Variants in EXD3 observed in about 807,000 individuals in gnomAD.
EXD3 encodes exonuclease mut-7 homolog.
EXD3 carries 92 observed loss-of-function variants against 98.0 expected under a neutral mutation model. The ratio of observed to expected loss-of-function variants is 0.94; its 90% CI spans 0.79 to 1.12. The LOEUF is 1.12. Among genes scored for constraint, EXD3 ranks in the 50% most tolerant of loss-of-function variants. The pLI, the probability that EXD3 is intolerant of heterozygous loss-of-function variation, is 0.00. For missense variants in EXD3, 1,222 were observed against 1,191.6 expected, an observed-to-expected ratio of 1.03 and a Z score of -0.38; for synonymous variants, 569 against 526.0, an observed-to-expected ratio of 1.08 and a Z score of -1.12.
rs1256588835 is a variant in EXD3, at chr9:137,414,808, G to C, written c.-48+8306C>G. Among the ~76,000 whole-genome samples, 5 of 152,194 alleles carry C rather than the reference G, an allele frequency of 3.3e-5. No individual in the cohort carries two copies. In the East Asian group the frequency reaches 9.6e-4, roughly 29 times the overall value. On this transcript the variant is annotated intron_variant, in intron 1 of 21. Coordinates refer to ENST00000340951, the MANE Select transcript of EXD3 (RefSeq NM_017820.5). ...ACACCGCCACTCCAGGGGGGTGCTGGCATGTTTGGCCCCCGTGGGCTCCAC... is the reference window on the plus strand; with the variant it reads ...ACACCGCCACTCCAGGGGGGTGCTGCCATGTTTGGCCCCCGTGGGCTCCAC...
chr9:137,411,344 C>T (rs1187233613), intron 1 of EXD3, among the ~76,000 whole-genome samples: 1 of 152,110 alleles, frequency 6.6e-6, no homozygotes, highest in Non-Finnish European at 1.5e-5. Context: ...GGGCTTGCTC[C>T]GGAGATGGGC....
chr9:137,411,852 C>G (rs1191121104), intron 1 of EXD3, among the ~76,000 whole-genome samples: 1 of 152,190 alleles, frequency 6.6e-6, no homozygotes, highest in Non-Finnish European at 1.5e-5. Flanking sequence ...GAAGCCGGGC[C>G]ACCCTGCATT....
At chr9:137,422,064 CAT>C (rs1043773419) in intron 1 of EXD3, among the ~76,000 whole-genome samples, 11 of 147,508 alleles carry the variant, frequency 7.5e-5, no homozygotes, top group Middle Eastern at 3.5e-3. Flanking sequence ...ACTGAGACCT[CAT>C]GTTTGCCACC....
rs1834105356 is a variant in EXD3 at position 137,349,055 on chromosome 9, A to G, written c.1830+55T>C. The G allele has an allele frequency of 3.9e-6, 6 of 1,525,742 alleles. No individual in the cohort carries two copies. The highest frequency in any genetic ancestry group is 2.7e-5 in the African/African-American group (2 of 73,034). 94.5% of individuals were successfully genotyped at this position (1,525,742 alleles called of 1,614,324 possible). ...CCATGCAGGTCCTTGGTTTATGGAC[A>G]GGGATCTCCTTCCCCAAGAATGCTG... On this transcript the variant is annotated intron_variant, in intron 16 of 21. Transcript: ENST00000340951. This position sits in a 1 kb window ranked among gnomAD's most constrained non-coding sequence, Gnocchi z 7.4.
At chr9:137,382,301 A>T (rs1361316990) in intron 3 of EXD3, among the ~76,000 whole-genome samples, 2 of 151,244 alleles carry the variant, frequency 1.3e-5, no homozygotes, top group Admixed American at 6.6e-5. Context: ...GTGTATAAAC[A>T]AGCGCTGCTC....
chr9:137,392,668 C>T (rs561415339), intron 2 of EXD3: 4 of 334,370 alleles, frequency 1.2e-5, no homozygotes, highest in South Asian at 4.9e-5. Context: ...TTCCAGGAAG[C>T]GCCAGGCTGT....
intron 1 of EXD3, among the ~76,000 whole-genome samples, chr9:137,408,038 G>A (rs1237834271): frequency 2.0e-5 from 3 of 152,104 alleles, no homozygotes; most frequent in Non-Finnish European, 4.4e-5. Flanking sequence ...TGGTCTCCCA[G>A]CCTCAGGCCT....
At chr9:137,341,030 G>A (rs1454329120) in intron 17 of EXD3, among the ~76,000 whole-genome samples, 1 of 152,188 alleles carries the variant, frequency 6.6e-6, no homozygotes, top group African/African-American at 2.4e-5. Flanking sequence ...AAAACTCAAG[G>A]CCAAGCTGGG....
At chr9:137,398,860 GGCACCCGCGTCCCCGTGACACACAT>G (rs1362588372) in intron 1 of EXD3, among the ~76,000 whole-genome samples, 4 of 137,544 alleles carry the variant, frequency 2.9e-5, no homozygotes, top group South Asian at 2.4e-4. Context: ...AAGACACACA[GGCACCCGCGTCCCCGTGACACACAT>G]GCACCCGCGT....
Position 137,324,118 on chromosome 9 carries a change from A to C in EXD3, c.2024T>G (p.Ile675Ser). ...GTGGAATGGCTGCCCCGACGTCAGAATGATCCTCCCCTCCTGCCTGGCAAC... is the reference window on the plus strand; with the variant it reads ...GTGGAATGGCTGCCCCGACGTCAGACTGATCCTCCCCTCCTGCCTGGCAAC... ...AEVARQEGRI[I>S]LTSGQPFHKL... Residue 675 changes from isoleucine to serine, a missense_variant, in exon 18 of 22, where the codon ATT becomes AGT. Physicochemically the swap from Ile to Ser is moderately radical, Grantham distance 142. Transcript: ENST00000340951. The surrounding 1 kb of genome is among the most constrained non-coding windows in gnomAD (Gnocchi z 4.1). 6.3e-7 allele frequency: 1 copy of C among 1,587,970 alleles called. No individual in the cohort carries two copies. The highest frequency in any genetic ancestry group is 8.6e-7 in the Non-Finnish European group (1 of 1,167,934).
chr9:137,388,347 G>A (rs924702015), intron 2 of EXD3, among the ~76,000 whole-genome samples: 6 of 152,080 alleles, frequency 3.9e-5, no homozygotes, highest in African/African-American at 7.2e-5. Context: ...CCCCCGCGCC[G>A]GCCGACGGGA....
chr9:137,369,526 A>T (rs1835483127), intron 5 of EXD3, among the ~76,000 whole-genome samples: 1 of 152,170 alleles, frequency 6.6e-6, no homozygotes, highest in African/African-American at 2.4e-5. Context: ...CCAGGCCCTG[A>T]GCAGGTGACG....
intron 16 of EXD3, among the ~76,000 whole-genome samples, chr9:137,348,671 G>A (rs1834078321): frequency 2.1e-5 from 2 of 94,464 alleles, no homozygotes; most frequent in Non-Finnish European, 2.2e-5. Flanking sequence ...AGAGGGGTGG[G>A]GATCACGGGG....
At chr9:137,331,065 G>A (rs1344682535) in intron 17 of EXD3, among the ~76,000 whole-genome samples, 1 of 152,158 alleles carries the variant, frequency 6.6e-6, no homozygotes, top group African/African-American at 2.4e-5. Context: ...CCATGACCGA[G>A]TGAGTTTCAT....
intron 1 of EXD3, among the ~76,000 whole-genome samples, chr9:137,400,007 G>A (rs996516990): frequency 2.7e-5 from 4 of 148,608 alleles, no homozygotes; most frequent in Non-Finnish European, 5.9e-5. Flanking sequence ...TCCAGCCTGG[G>A]TGACAGAGCA....
intron 3 of EXD3, among the ~76,000 whole-genome samples, chr9:137,382,110 C>T (rs1836329180): frequency 3.0e-5 from 1 of 33,416 alleles, no homozygotes; most frequent in African/African-American, 1.7e-4. Flanking sequence ...GAGGTCAGGG[C>T]GGCGGTGGAG....
At chr9:137,307,532 C>T in intron 21 of EXD3, 76 bp downstream of exon 21, 5 of 1,567,880 alleles carry the variant, frequency 3.2e-6, no homozygotes, top group Non-Finnish European at 4.3e-6. Flanking sequence ...GACCCAAGTC[C>T]CCCATTCTGG....
chr9:137,420,738 C>CT (rs1838472597), intron 1 of EXD3, among the ~76,000 whole-genome samples: 1 of 50,850 alleles, frequency 2.0e-5, no homozygotes, highest in Non-Finnish European at 4.1e-5. Flanking sequence ...CAGACATTCA[C>CT]CCCCCCCCCC....
chr9:137,420,747 C>T (rs562090714), intron 1 of EXD3, among the ~76,000 whole-genome samples: 3 of 147,412 alleles, frequency 2.0e-5, no homozygotes, highest in Non-Finnish European at 3.0e-5. Flanking sequence ...ACCCCCCCCC[C>T]CAAATTCATA....
Sources: allele counts gnomAD v4.1 joint callset (sites outside exome capture counted in the v4.1 genomes callset), GRCh38; gene constraint gnomAD v4.1.1; non-coding constraint Gnocchi (gnomAD v3.1); transcripts MANE v1.5; gene names NCBI Gene and HGNC (gene_info 2026-07-23, HGNC 2026-07-21).